The following IQCH variants were observed in gnomAD, a reference collection of about 807,000 sequenced individuals.
IQCH encodes IQ motif containing H, also known as IQ domain-containing protein H.
In IQCH, 98 loss-of-function variants were observed where a neutral mutation model predicts 117.0. The ratio of observed to expected loss-of-function variants is 0.84; its 90% confidence interval spans 0.71 to 0.99. The LOEUF is 0.99. Among genes scored for constraint, IQCH ranks in the 50% least tolerant of loss-of-function variants. IQCH has a pLI of 0.00. For missense variants in IQCH, 1,102 were observed against 1,243.8 expected (o/e 0.89, Z 1.72); for synonymous variants, 412 against 448.2 (o/e 0.92, Z 1.02).
Position 67,459,510 on chromosome 15 carries a change from C to T in IQCH, c.2506-5617C>T, listed in dbSNP as rs2082738833. 1.3e-5 allele frequency among the ~76,000 whole-genome samples: 2 copies of T among 152,216 alleles called. No individual in the cohort carries two copies. The highest frequency in any genetic ancestry group is 4.8e-5 in the African/African-American group (2 of 41,460). ...GAAGCAGCAGGGGTGAGCAGGCAGC[C>T]TCCATCTGCTGAGAACACCTCAGGC... is the stretch of plus-strand genomic sequence containing the variant. On this transcript the variant is annotated intron_variant, in intron 16 of 20. Transcript: ENST00000335894. The surrounding 1 kb of genome is among the most constrained non-coding windows in gnomAD (Gnocchi z 4.2).
intron 6 of IQCH, among the ~76,000 whole-genome samples, chr15:67,352,546 TC>T (rs2140719183): frequency 9.5e-6 from 1 of 105,366 alleles, no homozygotes; most frequent in Admixed American, 1.2e-4. Flanking sequence ...TGTGTTTATG[TC>T]CTGACTTTTG....
chr15:67,410,695 G>A (rs2081427952), intron 14 of IQCH, among the ~76,000 whole-genome samples: 1 of 152,206 alleles, frequency 6.6e-6, no homozygotes, highest in African/African-American at 2.4e-5. Flanking sequence ...TAGGCATGGG[G>A]AAAGTATTGG....
At chr15:67,455,806 G>C (rs954036593) in intron 16 of IQCH, among the ~76,000 whole-genome samples, 10 of 152,112 alleles carry the variant, frequency 6.6e-5, no homozygotes, top group Non-Finnish European at 1.3e-4. Context: ...AATTAAAGAG[G>C]GAGAATAACT....
chr15:67,377,423 G>C (rs1366488387), intron 10 of IQCH, among the ~76,000 whole-genome samples: 2 of 151,736 alleles, frequency 1.3e-5, no homozygotes, highest in African/African-American at 4.8e-5. Flanking sequence ...AAAATATTAG[G>C]GTCTATTTTA....
chr15:67,357,240 G>A (rs1969926166), intron 6 of IQCH, 105 bp from the exon 7 acceptor site: 2 of 764,712 alleles, frequency 2.6e-6, no homozygotes, highest in Middle Eastern at 2.3e-4. Context: ...AGCGCACAGT[G>A]GGTGACAGAG....
intron 18 of IQCH, among the ~76,000 whole-genome samples, chr15:67,489,544 G>A (rs865775554): frequency 1.4e-4 from 4 of 28,592 alleles, no homozygotes; most frequent in African/African-American, 2.9e-4. Flanking sequence ...TCCGCCTTCC[G>A]GGTTCAAGCG....
intron 16 of IQCH, among the ~76,000 whole-genome samples, chr15:67,452,480 A>T (rs2082552544): frequency 6.6e-6 from 1 of 152,208 alleles, no homozygotes; most frequent in Admixed American, 6.5e-5. Flanking sequence ...TCTTTCACTT[A>T]TGAAGCTTAG....
intron 2 of IQCH, among the ~76,000 whole-genome samples, chr15:67,261,831 A>G (rs549764408): frequency 1.9e-3 from 282 of 152,328 alleles, no homozygotes; most frequent in African/African-American, 6.6e-3. Flanking sequence ...CAGGCCTGTA[A>G]TCCAAGCACT....
At chr15:67,421,788 A>C (rs1046630772) in intron 16 of IQCH, among the ~76,000 whole-genome samples, 2 of 152,190 alleles carry the variant, frequency 1.3e-5, no homozygotes, top group East Asian at 3.8e-4. Context: ...TGTCTCGTTC[A>C]GGTACAGTTG....
At chr15:67,281,614 A>G (rs1263498069) in intron 4 of IQCH, 5 of 446,170 alleles carry the variant, frequency 1.1e-5, no homozygotes, top group African/African-American at 8.1e-5. Context: ...ATCAGACTCA[A>G]TCTCTCCCAG....
At position 67,280,334 on chromosome 15, in the gene IQCH, G is replaced by A. The variant is rs1368733953; in HGVS notation, c.387+822G>A. Among the ~76,000 whole-genome samples the A allele has an allele frequency of 3.9e-5, 6 of 152,334 alleles. No individual in the cohort carries two copies. The East Asian group carries it at 1.2e-3, about 29-fold the overall frequency. ...CTCCATTGAGTGTTCTCTCAATTCT[G>A]TTTTGTCCCTGTCTTAGCTCAGGCT... On this transcript the variant is annotated intron_variant, in intron 4 of 20. Coordinates refer to ENST00000335894, the MANE Select transcript of IQCH (RefSeq NM_001031715.3).
At chr15:67,279,859 G>A (rs746614633) in intron 4 of IQCH, among the ~76,000 whole-genome samples, 2 of 151,924 alleles carry the variant, frequency 1.3e-5, no homozygotes, top group Admixed American at 6.6e-5. Flanking sequence ...AAAATTATCC[G>A]GGCGTGGTGG....
intron 4 of IQCH, among the ~76,000 whole-genome samples, chr15:67,303,353 T>C (rs1282462096): frequency 6.6e-6 from 1 of 152,064 alleles, no homozygotes; most frequent in Non-Finnish European, 1.5e-5. Flanking sequence ...TGTTCTGGAA[T>C]TAGATAGTGG....
rs1406737870 is a variant in IQCH at position 67,386,806 on chromosome 15, C to T, written c.1456+1787C>T. 6.6e-6 allele frequency among the ~76,000 whole-genome samples: 1 copy of T among 152,120 alleles called. No individual in the cohort carries two copies. Among genetic ancestry groups the T allele is most frequent in the African/African-American group, 2.4e-5 (1 of 41,428 alleles). ...TCGTATCAATTCCTTTCCAAAATTA[C>T]CTGTCAGTTAATTTTGAACATGTGT... On this transcript the variant is annotated intron_variant, in intron 11 of 20. Transcript: ENST00000335894. The surrounding 1 kb of genome is among the most constrained non-coding windows in gnomAD (Gnocchi z 5.0).
rs866878268 is a variant in IQCH at position 67,260,116 on chromosome 15, T to G, written c.52-1156T>G. Among the ~76,000 whole-genome samples the G allele has an allele frequency of 7.2e-5, 11 of 152,244 alleles. No homozygotes were observed. In the South Asian group the frequency reaches 8.3e-4, roughly 11 times the overall value. On this transcript the variant is annotated intron_variant, in intron 1 of 20. Transcript: ENST00000335894. ...TCAAAATGCCTTTAGCAACCCAATT[T>G]GCAGATTGTTATTGGTGTGACTATT...
chr15:67,368,765 A>G (rs918216027), intron 8 of IQCH, among the ~76,000 whole-genome samples: 3 of 152,224 alleles, frequency 2.0e-5, no homozygotes, highest in Non-Finnish European at 4.4e-5. Flanking sequence ...GTATCTGATT[A>G]TGGATCCAGT....
At chr15:67,333,444 G>A (rs1968755604) in intron 4 of IQCH, among the ~76,000 whole-genome samples, 1 of 152,100 alleles carries the variant, frequency 6.6e-6, no homozygotes, top group African/African-American at 2.4e-5. Flanking sequence ...GTTTAATTCA[G>A]CCTTTTTTCC....
intron 1 of IQCH, among the ~76,000 whole-genome samples, chr15:67,255,492 G>A (rs1965126536): frequency 6.6e-6 from 1 of 152,222 alleles, no homozygotes; most frequent in Admixed American, 6.5e-5. Flanking sequence ...TAATTTGAGA[G>A]GGGAAATGTC....
intron 18 of IQCH, among the ~76,000 whole-genome samples, chr15:67,478,899 G>A (rs564957744): frequency 1.3e-5 from 2 of 151,940 alleles, no homozygotes; most frequent in East Asian, 3.9e-4. Context: ...ACTCCAGCCT[G>A]GTGACAGAGC....
Sources: gnomAD v4.1 joint callset for allele counts (sites outside exome capture counted in the v4.1 genomes callset) on GRCh38, gnomAD v4.1.1 for gene constraint, Gnocchi (gnomAD v3.1) non-coding constraint, MANE v1.5 for transcripts, NCBI Gene and HGNC (gene_info 2026-07-23, HGNC 2026-07-21) for gene names.